GEMIN2: variants seen among roughly 807,000 people sequenced by gnomAD.
The protein encoded by GEMIN2 is gem nuclear organelle associated protein 2, also known as gem-associated protein 2.
A neutral mutation model predicts 45.8 loss-of-function variants in GEMIN2; 37 were observed. That is an observed-to-expected ratio of 0.81 (90% CI 0.62 to 1.06). GEMIN2 has a LOEUF of 1.06. Ranked by LOEUF, GEMIN2 falls within the 50% of genes least tolerant of loss-of-function variation. GEMIN2 has a pLI of 0.00. For missense variants in GEMIN2, 335 were observed against 321.8 expected (o/e 1.04, Z -0.31); for synonymous variants, 101 against 111.5 (o/e 0.91, Z 0.60).
At position 39,135,009 on chromosome 14, in the gene GEMIN2, A is replaced by G. The variant is rs141179625; in HGVS notation, c.770+1290A>G. ...TTGTTTTAATAAATTTTTTCCTTTC[A>G]GCTCTGTTGGACTTGATTTTTTTCC... is the stretch of plus-strand genomic sequence containing the variant. On this transcript the variant is annotated intron_variant, in intron 9 of 9. Coordinates refer to ENST00000308317, the MANE Select transcript of GEMIN2 (RefSeq NM_003616.3). Among the ~76,000 whole-genome samples, 3 of 152,202 alleles carry G rather than the reference A, an allele frequency of 2.0e-5. No individual in the cohort carries two copies. In the East Asian group the frequency reaches 5.8e-4, roughly 29 times the overall value.
intron 1 of GEMIN2, 62 bp downstream of exon 1, chr14:39,114,537 CG>C: frequency 1.6e-6 from 2 of 1,233,954 alleles, no homozygotes; most frequent in Non-Finnish European, 1.2e-6. Flanking sequence ...GTACAGCCCT[CG>C]GTGCTCTATT....
At chr14:39,116,836 G>A (rs1302592700) in intron 2 of GEMIN2, among the ~76,000 whole-genome samples, 2 of 152,058 alleles carry the variant, frequency 1.3e-5, no homozygotes, top group Non-Finnish European at 1.5e-5. Context: ...CTGCAGCCTC[G>A]AGTTCTTGGG....
intron 2 of GEMIN2, among the ~76,000 whole-genome samples, chr14:39,116,717 G>C (rs1319071987): frequency 1.3e-5 from 2 of 151,962 alleles, no homozygotes; most frequent in East Asian, 1.9e-4. Flanking sequence ...ACATTTAATG[G>C]AACAGAATGT....
In GEMIN2 at chr14:39,132,493, T is replaced by C. The variant is rs927495360; in HGVS notation, c.711+425T>C. ...TTGCAGTGAGCTGAGATTGCACCAC[T>C]GCACTCCTGCCTGGGCAACAGAGCA... is the stretch of plus-strand genomic sequence containing the variant. On this transcript the variant is annotated intron_variant, in intron 8 of 9. Coordinates refer to ENST00000308317, the MANE Select transcript of GEMIN2 (RefSeq NM_003616.3). 4.6e-5 allele frequency among the ~76,000 whole-genome samples: 7 copies of C among 151,074 alleles called. No individual in the cohort carries two copies. The South Asian group carries it at 1.5e-3, about 32-fold the overall frequency.
chr14:39,121,755 C>T (rs1234424140), intron 4 of GEMIN2, among the ~76,000 whole-genome samples: 1 of 152,106 alleles, frequency 6.6e-6, no homozygotes, highest in Non-Finnish European at 1.5e-5. Context: ...CTCTTGTTGC[C>T]CAGGCTAGAG....
chr14:39,115,054 T>C, intron 2 of GEMIN2, 141 bp downstream of exon 2: 1 of 619,508 alleles, frequency 1.6e-6, no homozygotes, highest in Non-Finnish European at 2.9e-6. Flanking sequence ...TTGTACTTTT[T>C]CCTTCAGAAA....
At chr14:39,126,964 C>T (rs1044733631) in intron 6 of GEMIN2, among the ~76,000 whole-genome samples, 5 of 151,974 alleles carry the variant, frequency 3.3e-5, no homozygotes, top group South Asian at 2.1e-4. Flanking sequence ...TGGGGTTTAC[C>T]GTGTTGGCCA....
In GEMIN2 at chr14:39,114,468, C is replaced by T. The variant is rs149745587; in HGVS notation, c.130C>T (p.Arg44Trp). ...GAGGACGCCTCAGGAATACCTGAGGCGGGTCCAGTGAGTGATTCGGCCCTG... is the reference window on the plus strand; with the variant it reads ...GAGGACGCCTCAGGAATACCTGAGGTGGGTCCAGTGAGTGATTCGGCCCTG... The part of the protein sequence containing the change: ...PPRTPQEYLR[R>W]VQIEAAQCPD... The change falls in exon 1 of 10, where the codon CGG (arginine) becomes TGG (tryptophan). Residue 44 changes from arginine to tryptophan, a missense_variant. Physicochemically the swap from Arg to Trp is moderately radical, Grantham distance 101 (BLOSUM62 -3). Coordinates refer to ENST00000308317, the MANE Select transcript of GEMIN2 (RefSeq NM_003616.3). 6 of 1,612,128 alleles carry T rather than the reference C, an allele frequency of 3.7e-6. No individual in the cohort carries two copies. The highest frequency in any genetic ancestry group is 2.2e-5 in the East Asian group (1 of 44,850).
chr14:39,130,403 C>T (rs1183522443), intron 7 of GEMIN2, among the ~76,000 whole-genome samples: 1 of 152,192 alleles, frequency 6.6e-6, no homozygotes, highest in East Asian at 1.9e-4. Flanking sequence ...GGTGGAAATA[C>T]AAATTTGGTA....
rs569353340 is a variant in GEMIN2 at position 39,117,216 on chromosome 14, G to A, written c.223-783G>A. Among the ~76,000 whole-genome samples the A allele has an allele frequency of 1.0e-4, 15 of 149,364 alleles. No individual in the cohort carries two copies. The South Asian group carries it at 3.2e-3, about 31-fold the overall frequency. ...GAACCCGGGAGACGGAGATTGCAGT[G>A]AGCTGAGATGGCCATTGCACTCCAG... On this transcript the variant is annotated intron_variant, in intron 2 of 9. Transcript: ENST00000308317.
In GEMIN2 at chr14:39,128,277, TAGGCA is replaced by T; in HGVS notation, c.532-1_535del. 6.6e-7 allele frequency: 1 copy of T among 1,517,404 alleles called. No individual in the cohort carries two copies. Among genetic ancestry groups the T allele is most frequent in the Admixed American group, 1.8e-5 (1 of 55,154 alleles). The allele number at this position is 1,517,404 out of a possible 1,614,324, so 94.0% of individuals were successfully genotyped here. ...CTTCTCCACCCCCTCTTTTTTTTTT[TAGGCA>T]ACAGTAACTAGTGTCTTGGAATATC... On this transcript the variant is annotated splice_acceptor_variant and coding_sequence_variant, in exon 7 of 10. Coordinates refer to ENST00000308317, the MANE Select transcript of GEMIN2 (RefSeq NM_003616.3). LOFTEE classifies it high-confidence loss of function.
intron 4 of GEMIN2, 47 bp downstream of exon 4, chr14:39,118,646 A>G (rs1222699289): frequency 2.4e-6 from 2 of 822,986 alleles, no homozygotes; most frequent in Admixed American, 3.6e-5. Flanking sequence ...TACCTGATTG[A>G]AAGAGTCTAT....
intron 2 of GEMIN2, 22 bp downstream of exon 2, chr14:39,114,935 G>T: frequency 9.1e-7 from 1 of 1,095,376 alleles, no homozygotes; most frequent in Non-Finnish European, 1.4e-6. Flanking sequence ...TAACCGTCTG[G>T]AGATTACCCC....
chr14:39,132,213 A>G (rs973399873), intron 8 of GEMIN2, 145 bp downstream of exon 8: 4 of 609,508 alleles, frequency 6.6e-6, no homozygotes, highest in Non-Finnish European at 1.2e-5. Context: ...AGTAGCTTAA[A>G]TAATATGGAA....
At chr14:39,135,293 A>T (rs1419238298) in intron 9 of GEMIN2, among the ~76,000 whole-genome samples, 1 of 152,194 alleles carries the variant, frequency 6.6e-6, no homozygotes, top group East Asian at 1.9e-4. Context: ...TTGAAAGTTT[A>T]GGAAAAAAAG....
At chr14:39,131,794 C>T in intron 7 of GEMIN2, 164 bp from the exon 8 acceptor site, 3 of 540,620 alleles carry the variant, frequency 5.5e-6, no homozygotes, top group Non-Finnish European at 9.8e-6. Context: ...GAGATAACAC[C>T]TGGCTCTCCA....
chr14:39,129,474 C>A lies in GEMIN2; in HGVS notation c.600+1126C>A, dbSNP rs146104740. ...TGTTGCCCAGGCTGGAGTGCAGTAG[C>A]GCGATCTCGGCTCACTGCAGCCTCC... On this transcript the variant is annotated intron_variant, in intron 7 of 9. Coordinates refer to ENST00000308317, the MANE Select transcript of GEMIN2 (RefSeq NM_003616.3). Among the ~76,000 whole-genome samples the A allele has an allele frequency of 7.2e-5, 11 of 152,130 alleles. No homozygotes were observed. In the East Asian group the frequency reaches 2.1e-3, roughly 29 times the overall value.
chr14:39,117,826 T>C (rs964567417), intron 2 of GEMIN2, among the ~76,000 whole-genome samples, 173 bp from the exon 3 acceptor site: 30 of 152,240 alleles, frequency 2.0e-4, no homozygotes, highest in Non-Finnish European at 3.8e-4. Flanking sequence ...AACTGAGATA[T>C]AAATAATAAA....
Position 39,133,722 on chromosome 14 carries a change from A to G in GEMIN2, c.770+3A>G, listed in dbSNP as rs1324444575. On this transcript the variant is annotated splice_donor_region_variant and intron_variant, in intron 9 of 9. Coordinates refer to ENST00000308317, the MANE Select transcript of GEMIN2 (RefSeq NM_003616.3). ...TTATTAATCTGCTTGGTTAGCAGGT[A>G]TAGTTAATCCTTGGCTTCTTTATTA... is the stretch of plus-strand genomic sequence containing the variant. The G allele has an allele frequency of 2.0e-6, 3 of 1,474,730 alleles. No homozygotes were observed. Among genetic ancestry groups the G allele is most frequent in the South Asian group, 1.2e-5 (1 of 81,780 alleles). The allele number at this position is 1,474,730 out of a possible 1,614,324, so 91.4% of individuals were successfully genotyped here.
Sources: allele counts gnomAD v4.1 joint callset (sites outside exome capture counted in the v4.1 genomes callset), GRCh38; gene constraint gnomAD v4.1.1; transcripts MANE v1.5; gene names NCBI Gene and HGNC (gene_info 2026-07-23, HGNC 2026-07-21).